SPTAN1: variants seen among roughly 807,000 people sequenced by gnomAD.
SPTAN1 encodes spectrin alpha, non-erythrocytic 1.
SPTAN1 carries 61 observed loss-of-function variants against 331.3 expected under a neutral mutation model. The ratio of observed to expected loss-of-function variants is 0.18; its 90% CI spans 0.15 to 0.23. The LOEUF is 0.23. Among genes scored for constraint, SPTAN1 ranks in the 10% least tolerant of loss-of-function variants. SPTAN1 has a pLI of 1.00. For missense variants in SPTAN1, 2,043 were observed against 3,147.9 expected (o/e 0.65, Z 8.40); for synonymous variants, 1,153 against 1,173.9 (o/e 0.98, Z 0.36).
Position 128,570,358 on chromosome 9 carries a change from A to G in SPTAN1, c.363+1461A>G, listed in dbSNP as rs1265367017. On this transcript the variant is annotated intron_variant, in intron 3 of 56. Coordinates refer to ENST00000372739, the MANE Select transcript of SPTAN1 (RefSeq NM_001130438.3). ...TTTTTTTTTTTTTTTTTTTTTTGAG[A>G]CGAAGTTTTGCTCTTGTTGCCCAAG... Among the ~76,000 whole-genome samples the G allele has an allele frequency of 3.5e-4, 36 of 103,728 alleles. 1 individual carries two copies. The South Asian group carries it at 9.3e-3, about 27-fold the overall frequency. The allele number at this position is 103,728 out of a possible 152,430, so 68.0% of individuals were successfully genotyped here. A position where few individuals can be genotyped will look rare whatever the true frequency, so the allele number is the denominator to read the frequency against.
At chr9:128,630,623 A>AG (rs1859559469) in intron 52 of SPTAN1, 1 of 337,472 alleles carries the variant, frequency 3.0e-6, no homozygotes, top group African/African-American at 8.9e-5. Flanking sequence ...TCCACCTCCC[A>AG]GGTCAAGCAA....
chr9:128,601,994 T>C (rs974207665), intron 27 of SPTAN1, among the ~76,000 whole-genome samples: 2 of 152,202 alleles, frequency 1.3e-5, no homozygotes, highest in Non-Finnish European at 2.9e-5. Flanking sequence ...GCAACAGCCT[T>C]ACCCCCTCAA....
chr9:128,602,933 GC>G (rs766446488), intron 27 of SPTAN1, among the ~76,000 whole-genome samples: 7 of 152,224 alleles, frequency 4.6e-5, no homozygotes, highest in Non-Finnish European at 7.3e-5. Flanking sequence ...AGCATGCCTA[GC>G]CCTAAGGGAC....
intron 21 of SPTAN1, among the ~76,000 whole-genome samples, chr9:128,591,187 G>A (rs530213914): frequency 2.0e-5 from 3 of 151,894 alleles, no homozygotes; most frequent in East Asian, 3.9e-4. Flanking sequence ...TCAGCCTCCC[G>A]AGTAGCTGGG....
chr9:128,578,917 T>G (rs944023833), intron 9 of SPTAN1, among the ~76,000 whole-genome samples: 3 of 151,914 alleles, frequency 2.0e-5, no homozygotes, highest in African/African-American at 4.8e-5. Flanking sequence ...AACATGTTTC[T>G]CTACACTAGC....
At chr9:128,592,275 T>G (rs1427104341) in intron 22 of SPTAN1, among the ~76,000 whole-genome samples, 1 of 58,254 alleles carries the variant, frequency 1.7e-5, no homozygotes, top group African/African-American at 4.1e-5. Flanking sequence ...TTGGTTTGTG[T>G]TCTTTTTTTT....
intron 9 of SPTAN1, 121 bp from the exon 10 acceptor site, chr9:128,579,516 A>C: frequency 2.6e-6 from 2 of 768,114 alleles, no homozygotes; most frequent in Non-Finnish European, 4.5e-6. Context: ...CTAATCTTTC[A>C]TTTTGTTTCT....
In SPTAN1 at chr9:128,577,278, GT is replaced by G; in HGVS notation, c.930+9del. ...CTTGCTGCTCTAGAAGACAAGGTGG[GT>G]TTTACAAGCAGCTGATTCTGTAAAT... On this transcript the variant is annotated splice_donor_region_variant and intron_variant, in intron 7 of 56. Transcript: ENST00000372739. The surrounding 1 kb of genome is among the most constrained non-coding windows in gnomAD (Gnocchi z 4.2). 1 of 1,614,218 alleles carries G rather than the reference GT, an allele frequency of 6.2e-7. No individual in the cohort carries two copies. The highest frequency in any genetic ancestry group is 8.5e-7 in the Non-Finnish European group (1 of 1,180,040).
chr9:128,583,884 C>T lies in SPTAN1; in HGVS notation c.2108C>T (p.Ser703Leu), dbSNP rs866425525. 6.8e-6 allele frequency: 11 copies of T among 1,614,034 alleles called. No homozygotes were observed. The Admixed American group carries it at 8.3e-5, about 12-fold the overall frequency. Reference sequence around the variant, plus strand: ...TATGAAGTAGAAGGTCACTTGGCTTCGGATGATTACGGCAAAGATCTTACC... The same window carrying T: ...TATGAAGTAGAAGGTCACTTGGCTTTGGATGATTACGGCAAAGATCTTACC... The part of the protein sequence containing the change: ...WLYEVEGHLA[S>L]DDYGKDLTNV... Residue 703 changes from serine (S) to leucine (L), a missense_variant, in exon 16 of 57, where the codon TCG becomes TTG. Physicochemically the swap from Ser to Leu is moderately radical, Grantham distance 145. Coordinates refer to ENST00000372739, the MANE Select transcript of SPTAN1 (RefSeq NM_001130438.3).
At position 128,618,068 on chromosome 9, in the gene SPTAN1, G is replaced by A. The variant is rs752677999; in HGVS notation, c.5560G>A (p.Val1854Met). Residue 1854 changes from valine to methionine, a missense_variant, in exon 43 of 57, where the codon GTG (valine) becomes ATG (methionine). Val to Met is a conservative substitution (Grantham distance 21). Coordinates refer to ENST00000372739, the MANE Select transcript of SPTAN1 (RefSeq NM_001130438.3). ...GATCCAGCAGCGGCTGGCGCAGTTT[G>A]TGGAGCACTGGAAAGAGCTGAAGCA... ...EEIQQRLAQF[V>M]EHWKELKQLA... 8 of 1,614,012 alleles carry A rather than the reference G, an allele frequency of 5.0e-6. No homozygotes were observed. Among genetic ancestry groups the A allele is most frequent in the Non-Finnish European group, 6.8e-6 (8 of 1,180,006 alleles).
chr9:128,581,200 TTC>T (rs1356275515), intron 11 of SPTAN1, 141 bp downstream of exon 11: 3 of 1,176,112 alleles, frequency 2.6e-6, no homozygotes, highest in South Asian at 1.4e-5. Context: ...TTGAGCAAGC[TTC>T]TCTCAGCTCT....
At chr9:128,581,932 T>G in intron 12 of SPTAN1, 40 bp downstream of exon 12, 1 of 1,419,214 alleles carries the variant, frequency 7.0e-7, no homozygotes, top group Non-Finnish European at 1.0e-6. Flanking sequence ...ATGACCCTTA[T>G]AGTAAGCCAG....
Position 128,608,206 on chromosome 9 carries a change from G to A in SPTAN1, c.4421G>A (p.Gly1474Glu). 1 of 1,614,164 alleles carries A rather than the reference G, an allele frequency of 6.2e-7. No homozygotes were observed. The highest frequency in any genetic ancestry group is 8.5e-7 in the Non-Finnish European group (1 of 1,180,040). ...GCCTTCTTGAATACCGAAGACAAAG[G>A]AGACTCACTGGACAGCGTAGAGGCT... ...REAFLNTEDKGDSLDSVEALI... is the reference protein window; with the variant it reads ...REAFLNTEDKEDSLDSVEALI... Residue 1474 changes from glycine to glutamate, a missense_variant, in exon 34 of 57, where the codon GGA (glycine) becomes GAA (glutamate). This residue lies in a region of SPTAN1 where 179 missense variants were observed against 215.7 expected (regional missense o/e 0.83). Transcript: ENST00000372739.
chr9:128,600,961 C>T lies in SPTAN1; in HGVS notation c.3579+846C>T, dbSNP rs371107458. Among the ~76,000 whole-genome samples the T allele has an allele frequency of 1.1e-3, 129 of 114,996 alleles. 1 individual carries two copies. Among genetic ancestry groups the T allele is most frequent in the African/African-American group, 3.9e-3 (126 of 32,472 alleles). The allele number at this position is 114,996 out of a possible 152,430, so 75.4% of individuals were successfully genotyped here. A position where few individuals can be genotyped will look rare whatever the true frequency, so the allele number is the denominator to read the frequency against. The stretch of plus-strand genomic sequence containing the variant: ...TACAGGCCTGAGTCACAGCACACAG[C>T]CAGGGAGAAAGTCTTTTTTTTTTTT... On this transcript the variant is annotated intron_variant, in intron 27 of 56. Coordinates refer to ENST00000372739, the MANE Select transcript of SPTAN1 (RefSeq NM_001130438.3).
intron 1 of SPTAN1, among the ~76,000 whole-genome samples, chr9:128,564,163 G>T (rs10819409): frequency 0.16 from 24,371 of 152,010 alleles, 2,484 homozygotes; most frequent in East Asian, 0.44. Flanking sequence ...GCTCACGCCT[G>T]TAATCTTAGC....
intron 1 of SPTAN1, among the ~76,000 whole-genome samples, chr9:128,559,707 T>G (rs895606654): frequency 6.6e-6 from 1 of 152,168 alleles, no homozygotes; most frequent in Non-Finnish European, 1.5e-5. Context: ...CCTAATTGTT[T>G]ACCAAGACTC....
In SPTAN1 at chr9:128,564,235, A is replaced by G. The variant is rs559454365; in HGVS notation, c.-3-2503A>G. On this transcript the variant is annotated intron_variant, in intron 1 of 56. Coordinates refer to ENST00000372739, the MANE Select transcript of SPTAN1 (RefSeq NM_001130438.3). The stretch of plus-strand genomic sequence containing the variant: ...GGAGTTCGAGACCAGCCTGGCCAAC[A>G]TGGTGAAACCCCGTCTCTACTAAAA... Among the ~76,000 whole-genome samples, 3 of 152,276 alleles carry G rather than the reference A, an allele frequency of 2.0e-5. No individual in the cohort carries two copies. In the East Asian group the frequency reaches 5.8e-4, roughly 29 times the overall value.
At chr9:128,599,968 A>T in intron 26 of SPTAN1, 112 bp from the exon 27 acceptor site, 1 of 1,083,588 alleles carries the variant, frequency 9.2e-7, no homozygotes, top group Non-Finnish European at 1.4e-6. Context: ...TGGTTAATGT[A>T]TTAGTATCTG....
chr9:128,578,446 A>G (rs1301117425), intron 9 of SPTAN1, among the ~76,000 whole-genome samples: 4 of 152,164 alleles, frequency 2.6e-5, no homozygotes, highest in African/African-American at 9.7e-5. Flanking sequence ...TTCAGTGTCA[A>G]GAGGTTCACT....
Sources: allele counts gnomAD v4.1 joint callset (sites outside exome capture counted in the v4.1 genomes callset), GRCh38; gene constraint gnomAD v4.1.1; regional missense constraint gnomAD v4.1.1; non-coding constraint Gnocchi (gnomAD v3.1); transcripts MANE v1.5; gene names NCBI Gene and HGNC (gene_info 2026-07-23, HGNC 2026-07-21).